Variants in PDE8B observed in about 807,000 individuals in gnomAD.
PDE8B encodes the protein high affinity cAMP-specific and IBMX-insensitive 3',5'-cyclic phosphodiesterase 8B.
A neutral mutation model predicts 101.3 loss-of-function variants in PDE8B; 26 were observed. The ratio of observed to expected loss-of-function variants is 0.26; its 90% CI spans 0.19 to 0.36. The LOEUF (loss-of-function observed/expected upper bound fraction) is 0.36. PDE8B is among the 10% of genes least tolerant of loss of function. PDE8B has a pLI of 1.00. For missense variants in PDE8B, 810 were observed against 1,163.1 expected (o/e 0.70, Z 4.42); for synonymous variants, 424 against 429.3 (o/e 0.99, Z 0.15).
chr5:77,268,694 A>G (rs758869219), intron 1 of PDE8B, among the ~76,000 whole-genome samples: 2 of 151,862 alleles, frequency 1.3e-5, no homozygotes, highest in Non-Finnish European at 2.9e-5. Flanking sequence ...ACAGGCTCTC[A>G]TTCCTTTTTA....
chr5:77,426,011 T>A, intron 21 of PDE8B, 115 bp downstream of exon 21: 1 of 1,115,730 alleles, frequency 9.0e-7, no homozygotes, highest in Non-Finnish European at 1.3e-6. Flanking sequence ...AAAATGTGGC[T>A]GTCAGCTTTT....
the PDE8B span, among the ~76,000 whole-genome samples, chr5:77,200,563 TAA>T: frequency 1.4e-3 from 220 of 152,102 alleles, no homozygotes; most frequent in African/African-American, 2.9e-3. Flanking sequence ...GGCTTTTTTT[TAA>T]AAAATTTTGT....
chr5:77,089,525 T>C, the PDE8B span: 1 of 152,194 alleles, frequency 6.6e-6, no homozygotes, highest in Non-Finnish European at 1.5e-5. Context: ...CATGGAAAAA[T>C]TGTCTTCCAC....
At chr5:77,411,781 T>C (rs1444508670) in intron 15 of PDE8B, 60 bp downstream of exon 15, 1 of 1,288,916 alleles carries the variant, frequency 7.8e-7, no homozygotes, top group Admixed American at 1.7e-5. Context: ...CTGTCCCCGC[T>C]GTTGCGATTA....
intron 10 of PDE8B, among the ~76,000 whole-genome samples, chr5:77,392,802 A>G (rs1372213371): frequency 1.3e-5 from 2 of 152,224 alleles, no homozygotes; most frequent in East Asian, 1.9e-4. Flanking sequence ...GCTCAGGCCC[A>G]GTGGGATTCC....
At chr5:77,321,677 T>C (rs1775114943) in intron 2 of PDE8B, among the ~76,000 whole-genome samples, 1 of 152,246 alleles carries the variant, frequency 6.6e-6, no homozygotes, top group Non-Finnish European at 1.5e-5. Context: ...AGTGTTTTAC[T>C]CTGAAGTATA....
chr5:77,128,047 G>A, the PDE8B span, among the ~76,000 whole-genome samples: 1 of 152,162 alleles, frequency 6.6e-6, no homozygotes. Flanking sequence ...TGTCTAACAT[G>A]ACCCTGTCAT....
the PDE8B span, among the ~76,000 whole-genome samples, chr5:77,130,586 T>G: frequency 2.0e-5 from 3 of 152,126 alleles, no homozygotes; most frequent in African/African-American, 7.2e-5. Flanking sequence ...CTGAAAACCT[T>G]AGGACCAAAA....
At chr5:77,229,538 A>G (rs1753114928) in intron 1 of PDE8B, among the ~76,000 whole-genome samples, 1 of 152,196 alleles carries the variant, frequency 6.6e-6, no homozygotes, top group Non-Finnish European at 1.5e-5. Flanking sequence ...CTAATTCTAG[A>G]TAATTTCTAA....
At chr5:77,375,363 C>A (rs1053978240) in intron 10 of PDE8B, among the ~76,000 whole-genome samples, 7 of 152,182 alleles carry the variant, frequency 4.6e-5, no homozygotes, top group Admixed American at 1.3e-4. Flanking sequence ...CTGGGCCAGT[C>A]TAAACTGTTA....
At position 77,259,083 on chromosome 5, in the gene PDE8B, C is replaced by A. The variant is rs1471854213; in HGVS notation, c.339+47819C>A. Among the ~76,000 whole-genome samples the A allele has an allele frequency of 1.2e-3, 110 of 90,044 alleles. 20 individuals are homozygous for A. The highest frequency in any genetic ancestry group is 4.8e-3 in the Middle Eastern group (1 of 210). The allele number at this position is 90,044 out of a possible 152,430, so 59.1% of individuals were successfully genotyped here. On this transcript the variant is annotated intron_variant, in intron 1 of 21. Transcript: ENST00000264917. ...ACACACACACACCCCCGCCCCCCCC[C>A]CACACACACACACGAATGTTTCTGC...
intron 1 of PDE8B, among the ~76,000 whole-genome samples, chr5:77,298,174 C>T (rs774845575): frequency 1.3e-5 from 2 of 152,178 alleles, no homozygotes; most frequent in Non-Finnish European, 2.9e-5. Context: ...TACCTGCCTC[C>T]CATCATAAGG....
chr5:77,156,612 A>G, the PDE8B span, among the ~76,000 whole-genome samples: 2 of 152,194 alleles, frequency 1.3e-5, no homozygotes, highest in South Asian at 4.1e-4. Context: ...TCTAGTAAGG[A>G]ACAGGCTTAT....
At chr5:77,241,682 A>T (rs2149548455) in intron 1 of PDE8B, among the ~76,000 whole-genome samples, 1 of 152,256 alleles carries the variant, frequency 6.6e-6, no homozygotes, top group Admixed American at 6.5e-5. Context: ...CCCAGCCACC[A>T]TTCCTCCCTC....
chr5:77,152,498 G>A, the PDE8B span, among the ~76,000 whole-genome samples: 2 of 152,110 alleles, frequency 1.3e-5, no homozygotes, highest in South Asian at 2.1e-4. Flanking sequence ...ACCCAGCTCT[G>A]GAGACTCACT....
intron 1 of PDE8B, among the ~76,000 whole-genome samples, chr5:77,267,947 A>T (rs1762077451): frequency 6.6e-6 from 1 of 152,180 alleles, no homozygotes; most frequent in Admixed American, 6.5e-5. Flanking sequence ...GCACATACCA[A>T]TGAACAGATT....
intron 17 of PDE8B, among the ~76,000 whole-genome samples, chr5:77,414,721 C>A (rs558027447): frequency 9.8e-4 from 149 of 152,090 alleles, no homozygotes; most frequent in African/African-American, 3.4e-3. Flanking sequence ...TGAGCCACTG[C>A]GCCCGGCCTA....
intron 8 of PDE8B, 34 bp downstream of exon 8, chr5:77,349,593 C>T: frequency 6.2e-7 from 1 of 1,613,002 alleles, no homozygotes. Context: ...TCCACGAACC[C>T]TCTCCCCAAT....
In PDE8B at chr5:77,426,718, A is replaced by C; in HGVS notation, c.*164A>C. On this transcript the variant is annotated 3_prime_UTR_variant, in exon 22 of 22. Transcript: ENST00000264917. ...TCAAGTCCCCAAATTTCATTCTTAG[A>C]AAGTTATGTTCCATGAAGAAAAATA... The C allele has an allele frequency of 1.5e-6, 1 of 661,386 alleles. No individual in the cohort carries two copies. The highest frequency in any genetic ancestry group is 2.7e-5 in the East Asian group (1 of 36,388). 41.0% of individuals were successfully genotyped at this position (661,386 alleles called of 1,614,324 possible).
Sources: gnomAD v4.1 joint callset for allele counts (sites outside exome capture counted in the v4.1 genomes callset) on GRCh38, gnomAD v4.1.1 for gene constraint, MANE v1.5 for transcripts, NCBI Gene and HGNC (gene_info 2026-07-23, HGNC 2026-07-21) for gene names.